The following CCSER1 variants were observed in gnomAD, a reference collection of about 807,000 sequenced individuals.
The protein encoded by CCSER1 is serine-rich coiled-coil domain-containing protein 1.
A neutral mutation model predicts 82.0 loss-of-function variants in CCSER1; 41 were observed. The observed-to-expected ratio is 0.50, with a 90% CI of 0.39 to 0.65. The LOEUF is 0.65. CCSER1 is among the 30% of genes least tolerant of loss of function. The pLI is 0.00. For missense variants in CCSER1, 1,119 were observed against 1,064.2 expected (o/e 1.05, Z -0.72); for synonymous variants, 414 against 383.9 (o/e 1.08, Z -0.92).
At chr4:90,135,850 C>T (rs1723602829) in intron 1 of CCSER1, among the ~76,000 whole-genome samples, 1 of 152,178 alleles carries the variant, frequency 6.6e-6, no homozygotes, top group Admixed American at 6.5e-5. Context: ...TTGGTATTAT[C>T]TTAAAGTATA....
intron 5 of CCSER1, among the ~76,000 whole-genome samples, chr4:90,609,580 A>T (rs1459054474): frequency 1.3e-5 from 2 of 152,212 alleles, no homozygotes; most frequent in Non-Finnish European, 2.9e-5. Flanking sequence ...CAACTATTTT[A>T]GAAGGAAAAC....
chr4:90,154,196 G>A lies in CCSER1; in HGVS notation c.-42+26365G>A, dbSNP rs1307969448. On this transcript the variant is annotated intron_variant, in intron 1 of 10. Coordinates refer to ENST00000509176, the MANE Select transcript of CCSER1 (RefSeq NM_001145065.2). ...AAAGATCAGATAGTTTTAGATATGC[G>A]GCGTAGATTTCTGAGGGCTCTGTTC... Among the ~76,000 whole-genome samples, 143 of 151,924 alleles carry A rather than the reference G, an allele frequency of 9.4e-4. 1 individual carries two copies. Among genetic ancestry groups the A allele is most frequent in the African/African-American group, 3.2e-3 (132 of 41,236 alleles).
intron 10 of CCSER1, among the ~76,000 whole-genome samples, chr4:91,374,994 G>A (rs1041565998): frequency 4.0e-5 from 6 of 151,874 alleles, no homozygotes; most frequent in Non-Finnish European, 8.8e-5. Flanking sequence ...GTCTTGCTCT[G>A]TCAAAAAAAA....
chr4:90,153,831 T>G (rs183921946), intron 1 of CCSER1, among the ~76,000 whole-genome samples: 4,423 of 152,286 alleles, frequency 0.029, 106 homozygotes, highest in South Asian at 0.06. Context: ...ATTTTGTAGG[T>G]TGCCTATTCA....
chr4:90,133,675 A>G (rs1163873564), intron 1 of CCSER1, among the ~76,000 whole-genome samples: 1 of 152,056 alleles, frequency 6.6e-6, no homozygotes, highest in South Asian at 2.1e-4. Context: ...CTCTATTTCA[A>G]TCATCACTTC....
chr4:90,966,662 A>C (rs1417594620), intron 9 of CCSER1, among the ~76,000 whole-genome samples: 2 of 152,180 alleles, frequency 1.3e-5, no homozygotes, highest in African/African-American at 4.8e-5. Context: ...GATAAAGAGC[A>C]ACTGTATAAC....
intron 1 of CCSER1, among the ~76,000 whole-genome samples, chr4:90,209,597 C>G (rs1457955065): frequency 2.6e-5 from 4 of 152,046 alleles, no homozygotes; most frequent in Admixed American, 2.6e-4. Flanking sequence ...GACCTTAAGA[C>G]AGTTCTAATT....
At chr4:91,102,938 T>C (rs1725227317) in intron 10 of CCSER1, among the ~76,000 whole-genome samples, 1 of 152,246 alleles carries the variant, frequency 6.6e-6, no homozygotes, top group South Asian at 2.1e-4. Flanking sequence ...AACATTTTCA[T>C]TATTTGATAC....
chr4:91,420,488 A>G (rs995873282), intron 10 of CCSER1, among the ~76,000 whole-genome samples: 1 of 152,140 alleles, frequency 6.6e-6, no homozygotes, highest in African/African-American at 2.4e-5. Context: ...AATCACAATG[A>G]GATATTACTT....
chr4:90,211,633 C>T (rs1032650273), intron 1 of CCSER1, among the ~76,000 whole-genome samples: 1 of 152,154 alleles, frequency 6.6e-6, no homozygotes, highest in Non-Finnish European at 1.5e-5. Flanking sequence ...TTCTTATACC[C>T]ATGGTTGGCA....
At chr4:91,418,996 TATG>T (rs1753541345) in intron 10 of CCSER1, among the ~76,000 whole-genome samples, 1 of 151,958 alleles carries the variant, frequency 6.6e-6, no homozygotes, top group Non-Finnish European at 1.5e-5. Flanking sequence ...GTAAAAATCA[TATG>T]ATCATCTCAA....
intron 9 of CCSER1, among the ~76,000 whole-genome samples, chr4:91,053,426 C>T (rs2148714484): frequency 6.6e-6 from 1 of 152,270 alleles, no homozygotes; most frequent in Middle Eastern, 3.4e-3. Flanking sequence ...TACAGATATT[C>T]CTTAAACCTA....
At chr4:90,138,138 G>A (rs1301526407) in intron 1 of CCSER1, among the ~76,000 whole-genome samples, 1 of 152,126 alleles carries the variant, frequency 6.6e-6, no homozygotes, top group Non-Finnish European at 1.5e-5. Context: ...ACTCAGTATG[G>A]AAGTGAGAAA....
chr4:90,993,628 A>ACC lies in CCSER1; in HGVS notation c.2172+70181_2172+70182insCC, dbSNP rs1260293025. On this transcript the variant is annotated intron_variant, in intron 9 of 10. Transcript: ENST00000509176. The stretch of plus-strand genomic sequence containing the variant: ...TTCTGGAGGCTAGGAAGTCTAAGAT[A>ACC]AGGTATCAGCAAATTTGGTTCCTGA... 2.0e-3 allele frequency among the ~76,000 whole-genome samples: 312 copies of ACC among 152,202 alleles called. 2 individuals carry two copies. Among genetic ancestry groups the ACC allele is most frequent in the African/African-American group, 7.2e-3 (301 of 41,536 alleles).
chr4:90,585,911 C>T (rs1350969873), intron 5 of CCSER1, among the ~76,000 whole-genome samples: 2 of 152,136 alleles, frequency 1.3e-5, no homozygotes, highest in Non-Finnish European at 2.9e-5. Flanking sequence ...GCATTTGTAT[C>T]TCATAGTAAC....
chr4:90,427,842 C>T (rs1325684327), intron 4 of CCSER1, among the ~76,000 whole-genome samples: 1 of 151,794 alleles, frequency 6.6e-6, no homozygotes, highest in Non-Finnish European at 1.5e-5. Context: ...AAACTATACT[C>T]TTAATGATTA....
intron 10 of CCSER1, among the ~76,000 whole-genome samples, chr4:91,158,528 T>G (rs1362987858): frequency 6.6e-6 from 1 of 152,000 alleles, no homozygotes; most frequent in Non-Finnish European, 1.5e-5. Flanking sequence ...GTATGGCGCA[T>G]AGTATAATTT....
intron 9 of CCSER1, among the ~76,000 whole-genome samples, chr4:90,934,016 A>G (rs1488759163): frequency 6.6e-6 from 1 of 151,826 alleles, no homozygotes; most frequent in Admixed American, 6.6e-5. Flanking sequence ...TCCTACACCT[A>G]GCAATGGTAT....
chr4:91,446,233 A>G (rs1190095571), intron 10 of CCSER1, among the ~76,000 whole-genome samples: 2 of 152,078 alleles, frequency 1.3e-5, no homozygotes, highest in Non-Finnish European at 2.9e-5. Flanking sequence ...TGATAAGGAT[A>G]GGATTTTAGC....
Sources: gnomAD v4.1 joint callset for allele counts (sites outside exome capture counted in the v4.1 genomes callset) on GRCh38, gnomAD v4.1.1 for gene constraint, MANE v1.5 for transcripts, NCBI Gene and HGNC (gene_info 2026-07-23, HGNC 2026-07-21) for gene names.